NXPH1: variants seen among roughly 807,000 people sequenced by gnomAD.
The protein encoded by NXPH1 is neurexophilin 1.
A neutral mutation model predicts 23.7 loss-of-function variants in NXPH1; 5 were observed. That is an observed-to-expected ratio of 0.21 (90% CI 0.11 to 0.44). The LOEUF (loss-of-function observed/expected upper bound fraction) is 0.44. NXPH1 is among the 20% of genes least tolerant of loss of function. The pLI is 0.99. For missense variants in NXPH1, 324 were observed against 321.6 expected, an observed-to-expected ratio of 1.01 and a Z score of -0.06; for synonymous variants, 144 against 122.2, an observed-to-expected ratio of 1.18 and a Z score of -1.18.
At chr7:8,591,384 C>A (rs1022738608) in intron 2 of NXPH1, among the ~76,000 whole-genome samples, 1 of 151,976 alleles carries the variant, frequency 6.6e-6, no homozygotes, top group Non-Finnish European at 1.5e-5. Flanking sequence ...TTTTTAACCA[C>A]CACTTTCATA....
chr7:8,710,865 T>G (rs995188300), intron 2 of NXPH1, among the ~76,000 whole-genome samples: 1 of 117,010 alleles, frequency 8.5e-6, no homozygotes, highest in South Asian at 2.7e-4. Flanking sequence ...GGTTTCACCG[T>G]GTTAGCCAGG....
At chr7:8,708,136 C>A (rs1475715782) in intron 2 of NXPH1, among the ~76,000 whole-genome samples, 1 of 152,004 alleles carries the variant, frequency 6.6e-6, no homozygotes, top group African/African-American at 2.4e-5. Context: ...TGACAAAGAG[C>A]CAAATCATGG....
At chr7:8,729,222 T>C (rs1420306823) in intron 2 of NXPH1, among the ~76,000 whole-genome samples, 11 of 150,774 alleles carry the variant, frequency 7.3e-5, no homozygotes, top group Non-Finnish European at 1.5e-4. Context: ...TATTTGATTC[T>C]TCTCTCTTTT....
At chr7:8,702,319 T>A (rs961681194) in intron 2 of NXPH1, among the ~76,000 whole-genome samples, 12 of 152,090 alleles carry the variant, frequency 7.9e-5, no homozygotes, top group Admixed American at 7.9e-4. Flanking sequence ...CCCATAAATA[T>A]GTACAATGAT....
At chr7:8,679,760 C>T (rs146603370) in intron 2 of NXPH1, among the ~76,000 whole-genome samples, 2 of 152,198 alleles carry the variant, frequency 1.3e-5, no homozygotes, top group African/African-American at 2.4e-5. Flanking sequence ...CAGTGGCTCA[C>T]GCCTGTAATC....
chr7:8,669,996 T>C (rs973814869), intron 2 of NXPH1, among the ~76,000 whole-genome samples: 1 of 152,196 alleles, frequency 6.6e-6, no homozygotes, highest in African/African-American at 2.4e-5. Flanking sequence ...ATCTTGCTGA[T>C]CAGAACCCCA....
intron 2 of NXPH1, among the ~76,000 whole-genome samples, chr7:8,505,007 G>C (rs1817497904): frequency 6.6e-6 from 1 of 152,010 alleles, no homozygotes; most frequent in Non-Finnish European, 1.5e-5. Flanking sequence ...TGAATGCCCT[G>C]CTAGCTACAC....
intron 2 of NXPH1, among the ~76,000 whole-genome samples, chr7:8,489,548 C>T (rs142978394): frequency 3.4e-4 from 52 of 152,158 alleles, no homozygotes; most frequent in African/African-American, 8.9e-4. Context: ...TACTATTAAA[C>T]GGTTGATTCA....
At chr7:8,580,003 A>T (rs1818834663) in intron 2 of NXPH1, among the ~76,000 whole-genome samples, 1 of 152,194 alleles carries the variant, frequency 6.6e-6, no homozygotes, top group Admixed American at 6.5e-5. Context: ...GAGTGGAGAG[A>T]GATGGGAAGA....
At chr7:8,470,094 AG>A (rs1185060088) in intron 2 of NXPH1, among the ~76,000 whole-genome samples, 1 of 152,196 alleles carries the variant, frequency 6.6e-6, no homozygotes, top group Non-Finnish European at 1.5e-5. Flanking sequence ...AATCCAGCTC[AG>A]GTATGGTCAA....
chr7:8,698,154 A>G (rs1411577304), intron 2 of NXPH1, among the ~76,000 whole-genome samples: 2 of 152,250 alleles, frequency 1.3e-5, no homozygotes, highest in Non-Finnish European at 2.9e-5. Flanking sequence ...TGGACGTCTT[A>G]CAATGTATGG....
At chr7:8,679,682 A>G (rs916875882) in intron 2 of NXPH1, among the ~76,000 whole-genome samples, 9 of 152,200 alleles carry the variant, frequency 5.9e-5, no homozygotes, top group African/African-American at 1.9e-4. Context: ...GGCTTGTTTC[A>G]TGGTGGCCTT....
chr7:8,709,954 C>T (rs1006019071), intron 2 of NXPH1, among the ~76,000 whole-genome samples: 1 of 152,092 alleles, frequency 6.6e-6, no homozygotes, highest in Non-Finnish European at 1.5e-5. Flanking sequence ...ATTTTATGAC[C>T]AGTAATAAGG....
At chr7:8,588,732 T>C (rs1429975981) in intron 2 of NXPH1, among the ~76,000 whole-genome samples, 2 of 152,112 alleles carry the variant, frequency 1.3e-5, no homozygotes, top group African/African-American at 4.8e-5. Flanking sequence ...GTTTATCTTG[T>C]GTTCTAAGAT....
At chr7:8,507,861 G>A (rs988395757) in intron 2 of NXPH1, among the ~76,000 whole-genome samples, 3 of 152,092 alleles carry the variant, frequency 2.0e-5, no homozygotes, top group African/African-American at 7.2e-5. Context: ...TGGGCAGTAA[G>A]CTAATTTAAA....
intron 2 of NXPH1, among the ~76,000 whole-genome samples, chr7:8,451,600 T>C (rs1367279791): frequency 6.6e-6 from 1 of 152,236 alleles, no homozygotes; most frequent in South Asian, 2.1e-4. Flanking sequence ...GTCTTTTGTC[T>C]GAGTAGGTAT....
At chr7:8,549,444 G>A (rs1163946812) in intron 2 of NXPH1, among the ~76,000 whole-genome samples, 2 of 151,510 alleles carry the variant, frequency 1.3e-5, no homozygotes, top group Non-Finnish European at 3.0e-5. Context: ...TGAATGCCAA[G>A]TCTTTTTAAT....
chr7:8,554,821 AG>A (rs1342211102), intron 2 of NXPH1, among the ~76,000 whole-genome samples: 6 of 151,758 alleles, frequency 4.0e-5, no homozygotes, highest in Admixed American at 6.6e-5. Context: ...CAAGACTTTA[AG>A]GATTTAAAAA....
In NXPH1 at chr7:8,751,706, G is replaced by T. The variant is rs765004578; in HGVS notation, c.753G>T (p.Leu251=). 1 of 1,612,698 alleles carries T rather than the reference G, an allele frequency of 6.2e-7. No homozygotes were observed. The highest frequency in any genetic ancestry group is 2.2e-5 in the East Asian group (1 of 44,844). Residue 251 remains leucine (L), a synonymous_variant, in exon 3 of 3, where the codon CTG becomes CTT. Coordinates refer to ENST00000405863, the MANE Select transcript of NXPH1 (RefSeq NM_152745.3). This position sits in a 1 kb window ranked among gnomAD's most constrained non-coding sequence, Gnocchi z 4.5. ...CCTTTTATAGTACAGATTATAAACT[G>T]GTACAGAAAGTGTGCCCTGACTACA... ...YISFYSTDYK[L]VQKVCPDYNY... is the part of the protein sequence containing the mutation.
Sources: gnomAD v4.1 joint callset for allele counts (sites outside exome capture counted in the v4.1 genomes callset) on GRCh38, gnomAD v4.1.1 for gene constraint, Gnocchi (gnomAD v3.1) non-coding constraint, MANE v1.5 for transcripts, NCBI Gene and HGNC (gene_info 2026-07-23, HGNC 2026-07-21) for gene names.